SLC2A13: variants seen among roughly 807,000 people sequenced by gnomAD.
SLC2A13 encodes proton myo-inositol cotransporter.
A neutral mutation model predicts 64.4 loss-of-function variants in SLC2A13; 32 were observed. That is an observed-to-expected ratio of 0.50 (90% CI 0.37 to 0.67). SLC2A13 has a LOEUF of 0.67. Among genes scored for constraint, SLC2A13 ranks in the 30% least tolerant of loss-of-function variants. SLC2A13 has a pLI of 0.00. For missense variants in SLC2A13, 743 were observed against 829.2 expected (o/e 0.90, Z 1.28); for synonymous variants, 338 against 327.1 (o/e 1.03, Z -0.36).
intron 1 of SLC2A13, among the ~76,000 whole-genome samples, chr12:40,056,093 A>C (rs1171329295): frequency 6.6e-6 from 1 of 151,948 alleles, no homozygotes; most frequent in African/African-American, 2.4e-5. Flanking sequence ...CTTATAGTAC[A>C]AAATCATTTT....
chr12:40,073,730 T>A (rs1476241717), intron 1 of SLC2A13, among the ~76,000 whole-genome samples: 1 of 151,842 alleles, frequency 6.6e-6, no homozygotes, highest in East Asian at 1.9e-4. Context: ...CTAGCACTGT[T>A]CCTGAGAAAA....
chr12:39,913,493 T>C (rs556911629), intron 4 of SLC2A13, among the ~76,000 whole-genome samples: 1 of 149,224 alleles, frequency 6.7e-6, no homozygotes, highest in East Asian at 2.0e-4. Flanking sequence ...ATCAAAAGAC[T>C]GATTTAGATT....
At chr12:39,831,208 A>C (rs1942841963) in intron 6 of SLC2A13, among the ~76,000 whole-genome samples, 1 of 152,172 alleles carries the variant, frequency 6.6e-6, no homozygotes, top group African/African-American at 2.4e-5. Flanking sequence ...AATGTAATGG[A>C]AACTGGGTAT....
chr12:40,037,710 T>C (rs1390782256), intron 2 of SLC2A13, among the ~76,000 whole-genome samples: 1 of 152,086 alleles, frequency 6.6e-6, no homozygotes, highest in Admixed American at 6.6e-5. Context: ...GTAGCTTCTT[T>C]AATAAATAAA....
In SLC2A13 at chr12:40,105,971, C is replaced by T. The variant is rs1939297254; in HGVS notation, c.-163G>A. The stretch of plus-strand genomic sequence containing the variant: ...GGCAGCAGCCGCCGCCACGGCCGCT[C>T]CGGGGAGAAAGTTGCTGCCCGCCGC... On this transcript the variant is annotated 5_prime_UTR_variant, in exon 1 of 10. Coordinates refer to ENST00000280871, the MANE Select transcript of SLC2A13 (RefSeq NM_052885.4). The surrounding 1 kb of genome is among the most constrained non-coding windows in gnomAD (Gnocchi z 4.2). 3 of 879,450 alleles carry T rather than the reference C, an allele frequency of 3.4e-6. No individual in the cohort carries two copies. The highest frequency in any genetic ancestry group is 6.6e-5 in the South Asian group (2 of 30,398). The allele number at this position is 879,450 out of a possible 1,614,324, so 54.5% of individuals were successfully genotyped here. A position where few individuals can be genotyped will look rare whatever the true frequency, so the allele number is the denominator to read the frequency against.
At chr12:39,991,867 C>CT (rs1487362902) in intron 3 of SLC2A13, among the ~76,000 whole-genome samples, 2 of 151,972 alleles carry the variant, frequency 1.3e-5, no homozygotes, top group Non-Finnish European at 2.9e-5. Context: ...AAATCAAAAG[C>CT]TTTTATAGCT....
intron 4 of SLC2A13, among the ~76,000 whole-genome samples, chr12:39,942,761 A>G (rs1946057853): frequency 6.6e-6 from 1 of 152,160 alleles, no homozygotes; most frequent in African/African-American, 2.4e-5. Context: ...ACTTCTGTCA[A>G]TTCATCAAAC....
chr12:39,802,684 T>G (rs968673552), intron 7 of SLC2A13, among the ~76,000 whole-genome samples: 1 of 152,316 alleles, frequency 6.6e-6, no homozygotes, highest in African/African-American at 2.4e-5. Flanking sequence ...TATATATGTC[T>G]ATGTATACAC....
chr12:39,940,863 C>G (rs1946011489), intron 4 of SLC2A13, among the ~76,000 whole-genome samples: 1 of 137,592 alleles, frequency 7.3e-6, no homozygotes, highest in African/African-American at 2.5e-5. Context: ...CCCTCACCCC[C>G]ATCCCACTCT....
chr12:40,048,447 G>T (rs1948202454), intron 1 of SLC2A13, among the ~76,000 whole-genome samples: 1 of 151,992 alleles, frequency 6.6e-6, no homozygotes, highest in Non-Finnish European at 1.5e-5. Context: ...ACAAATGAAA[G>T]CACCCCTAAA....
At chr12:39,921,466 C>T (rs1000603473) in intron 4 of SLC2A13, among the ~76,000 whole-genome samples, 4 of 152,026 alleles carry the variant, frequency 2.6e-5, no homozygotes, top group Non-Finnish European at 5.9e-5. Flanking sequence ...TAAATGGAAA[C>T]GTCATGGGAG....
rs1423690829 is a variant in SLC2A13 at position 40,105,713 on chromosome 12, C to A, written c.96G>T (p.Ala32=). ...ERRRKQPEPD[A]ASAAGECSLL... ...GGCTGCACTCCCCGGCCGCGCTCGC[C>A]GCGTCCGGCTCCGGCTGCTTCCTGC... Residue 32 remains alanine (A), a synonymous_variant, in exon 1 of 10, where the codon GCG becomes GCT. Coordinates refer to ENST00000280871, the MANE Select transcript of SLC2A13 (RefSeq NM_052885.4). This position sits in a 1 kb window ranked among gnomAD's most constrained non-coding sequence, Gnocchi z 4.2. 2.4e-5 allele frequency: 35 copies of A among 1,480,936 alleles called. No individual in the cohort carries two copies. The highest frequency in any genetic ancestry group is 2.6e-5 in the Non-Finnish European group (29 of 1,115,910). 91.7% of individuals were successfully genotyped at this position (1,480,936 alleles called of 1,614,324 possible).
chr12:40,008,740 G>C (rs1266649826), intron 3 of SLC2A13, among the ~76,000 whole-genome samples: 1 of 151,968 alleles, frequency 6.6e-6, no homozygotes, highest in East Asian at 1.9e-4. Flanking sequence ...TTGAAGCTTA[G>C]AAAGAAATTA....
chr12:40,063,376 A>G (rs1251905583), intron 1 of SLC2A13, among the ~76,000 whole-genome samples: 1 of 152,094 alleles, frequency 6.6e-6, no homozygotes, highest in Non-Finnish European at 1.5e-5. Context: ...CTTGAAATCC[A>G]AATTAGTTTT....
At chr12:40,092,152 T>C (rs900140140) in intron 1 of SLC2A13, among the ~76,000 whole-genome samples, 1 of 152,174 alleles carries the variant, frequency 6.6e-6, no homozygotes, top group African/African-American at 2.4e-5. Flanking sequence ...GTTTCACAAG[T>C]ATAGAGGGTT....
intron 3 of SLC2A13, among the ~76,000 whole-genome samples, chr12:39,961,696 G>T (rs1184116282): frequency 6.6e-6 from 1 of 151,020 alleles, no homozygotes; most frequent in Non-Finnish European, 1.5e-5. Flanking sequence ...TAGAGGCAAG[G>T]TTTCATGTTG....
chr12:40,054,294 T>C (rs972501577), intron 1 of SLC2A13, among the ~76,000 whole-genome samples: 1 of 152,158 alleles, frequency 6.6e-6, no homozygotes, highest in African/African-American at 2.4e-5. Context: ...GATTTAAATA[T>C]TTAAAGTTCA....
chr12:39,965,233 A>G (rs1946488432), intron 3 of SLC2A13, among the ~76,000 whole-genome samples: 1 of 152,162 alleles, frequency 6.6e-6, no homozygotes, highest in South Asian at 2.1e-4. Flanking sequence ...GTTGGTAACT[A>G]AACACTCCCT....
intron 7 of SLC2A13, among the ~76,000 whole-genome samples, chr12:39,789,210 A>G (rs1257108504): frequency 6.6e-6 from 1 of 152,124 alleles, no homozygotes; most frequent in Non-Finnish European, 1.5e-5. Flanking sequence ...TGTGTTATTT[A>G]TATCCTTGTT....
Sources: gnomAD v4.1 joint callset for allele counts (sites outside exome capture counted in the v4.1 genomes callset) on GRCh38, gnomAD v4.1.1 for gene constraint, Gnocchi (gnomAD v3.1) non-coding constraint, MANE v1.5 for transcripts, NCBI Gene and HGNC (gene_info 2026-07-23, HGNC 2026-07-21) for gene names.